Variants in ITPR1 observed in about 807,000 individuals in gnomAD.
ITPR1 encodes inositol 1,4,5-trisphosphate receptor type 1.
Under a neutral mutation model 318.4 loss-of-function variants are expected in ITPR1, and 96 were observed. That is an observed-to-expected ratio of 0.30 (90% CI 0.26 to 0.36). ITPR1 has a LOEUF of 0.36. Ranked by LOEUF, ITPR1 falls within the 10% of genes least tolerant of loss-of-function variation. The pLI is 1.00. For missense variants in ITPR1, 2,440 were observed against 3,460.2 expected (o/e 0.71, Z 7.40); for synonymous variants, 1,312 against 1,289.9 (o/e 1.02, Z -0.37).
chr3:4,785,531 T>G (rs1303597131), intron 51 of ITPR1, among the ~76,000 whole-genome samples: 3 of 151,426 alleles, frequency 2.0e-5, no homozygotes, highest in Non-Finnish European at 4.4e-5. Flanking sequence ...ACACATCATT[T>G]CACTGATTAG....
intron 4 of ITPR1, among the ~76,000 whole-genome samples, chr3:4,533,463 T>C (rs1367315313): frequency 6.6e-6 from 1 of 152,198 alleles, no homozygotes; most frequent in African/African-American, 2.4e-5. Context: ...GTGGAGCTGA[T>C]AGGCTTGTGT....
chr3:4,728,371 A>T (rs1233598683), intron 42 of ITPR1, among the ~76,000 whole-genome samples: 3 of 152,222 alleles, frequency 2.0e-5, no homozygotes, highest in Admixed American at 6.5e-5. Flanking sequence ...ATCTTGTCTA[A>T]GGTCATGGAG....
chr3:4,736,166 T>C (rs1446889658), intron 44 of ITPR1, among the ~76,000 whole-genome samples: 1 of 151,946 alleles, frequency 6.6e-6, no homozygotes, highest in East Asian at 1.9e-4. Context: ...GACGTGTATC[T>C]ATGTACAGAC....
intron 2 of ITPR1, among the ~76,000 whole-genome samples, chr3:4,502,955 G>A (rs915229684): frequency 3.8e-4 from 57 of 151,970 alleles, no homozygotes; most frequent in African/African-American, 1.4e-3. Context: ...CATGATGGTG[G>A]GCACCTGTAG....
chr3:4,658,195 C>G lies in ITPR1; in HGVS notation c.1068C>G (p.Val356=), dbSNP rs753515346. Residue 356 remains valine (V), a synonymous_variant, in exon 13 of 62, where the codon GTC becomes GTG. Coordinates refer to ENST00000649015, the MANE Select transcript of ITPR1 (RefSeq NM_001378452.1). ...AAGAAAAGATGGTATACTCCCTGGT[C>G]TCTGTGCCTGAAGGCAATGACATCT... ...NAQEKMVYSL[V]SVPEGNDISS... The G allele has an allele frequency of 1.9e-6, 3 of 1,613,570 alleles. No homozygotes were observed. Among genetic ancestry groups the G allele is most frequent in the Non-Finnish European group, 2.5e-6 (3 of 1,179,566 alleles).
At chr3:4,532,510 A>T (rs2083500702) in intron 4 of ITPR1, among the ~76,000 whole-genome samples, 1 of 152,164 alleles carries the variant, frequency 6.6e-6, no homozygotes, top group African/African-American at 2.4e-5. Context: ...AGCTGGGATT[A>T]CAGGCGTGTG....
intron 60 of ITPR1, chr3:4,831,044 T>G (rs2050447583): frequency 2.2e-6 from 1 of 455,894 alleles, no homozygotes; most frequent in Non-Finnish European, 4.4e-6. Flanking sequence ...AATACCCCAC[T>G]TCTCAGAATG....
At chr3:4,803,001 A>T (rs1258043781) in intron 54 of ITPR1, among the ~76,000 whole-genome samples, 1 of 152,124 alleles carries the variant, frequency 6.6e-6, no homozygotes, top group Non-Finnish European at 1.5e-5. Context: ...TTTATAAGAA[A>T]AGAGGTTTAA....
At chr3:4,687,974 G>A (rs544427325) in intron 30 of ITPR1, among the ~76,000 whole-genome samples, 2 of 152,310 alleles carry the variant, frequency 1.3e-5, no homozygotes, top group South Asian at 4.1e-4. Flanking sequence ...GTGAACCCAA[G>A]AGGGAAAATG....
intron 16 of ITPR1, among the ~76,000 whole-genome samples, chr3:4,664,141 T>G (rs949735933): frequency 1.3e-5 from 2 of 152,250 alleles, no homozygotes; most frequent in African/African-American, 2.4e-5. Context: ...TTTGGGAGAT[T>G]TGGCATATTC....
In ITPR1 at chr3:4,691,355, T is replaced by C. The variant is rs185613072; in HGVS notation, c.4029+11T>C. 2.6e-6 allele frequency: 4 copies of C among 1,538,852 alleles called. No individual in the cohort carries two copies. Among genetic ancestry groups the C allele is most frequent in the East Asian group, 2.2e-5 (1 of 44,456 alleles). ...ATGGTTATGGCCGAGGTGATTGTTA[T>C]ATATTTCTGTATACCTCCATCTGGT... On this transcript the variant is annotated intron_variant, in intron 32 of 61. Transcript: ENST00000649015.
intron 61 of ITPR1, among the ~76,000 whole-genome samples, chr3:4,839,566 T>TA (rs1168316000): frequency 2.0e-5 from 3 of 151,852 alleles, no homozygotes; most frequent in East Asian, 1.9e-4. Flanking sequence ...ACTCTTTTTT[T>TA]AAAAAAAAGC....
chr3:4,635,228 C>A (rs2093147409), intron 5 of ITPR1, among the ~76,000 whole-genome samples: 1 of 152,152 alleles, frequency 6.6e-6, no homozygotes, highest in Admixed American at 6.5e-5. Context: ...AGGAGAAACT[C>A]CTAGAAGTGG....
At chr3:4,553,813 A>T (rs969118068) in intron 4 of ITPR1, among the ~76,000 whole-genome samples, 1 of 148,266 alleles carries the variant, frequency 6.7e-6, no homozygotes, top group Non-Finnish European at 1.5e-5. Flanking sequence ...GTTGGCCAGG[A>T]TGGTCTCGAA....
chr3:4,560,721 T>G (rs2086588632), intron 4 of ITPR1, among the ~76,000 whole-genome samples: 1 of 152,166 alleles, frequency 6.6e-6, no homozygotes, highest in South Asian at 2.1e-4. Context: ...TTAACTTTGG[T>G]GCATGTAGAT....
At chr3:4,571,473 G>A (rs1318123691) in intron 4 of ITPR1, among the ~76,000 whole-genome samples, 1 of 151,866 alleles carries the variant, frequency 6.6e-6, no homozygotes, top group African/African-American at 2.4e-5. Flanking sequence ...CGAGTAGCTG[G>A]GACTACAGGC....
intron 4 of ITPR1, among the ~76,000 whole-genome samples, chr3:4,597,022 A>G (rs993061875): frequency 2.1e-4 from 32 of 152,230 alleles, no homozygotes; most frequent in African/African-American, 7.2e-4. Context: ...ATTTGCTCAG[A>G]GAGGACTGCG....
At chr3:4,682,671 C>T (rs773354411) in intron 26 of ITPR1, among the ~76,000 whole-genome samples, 11 of 152,210 alleles carry the variant, frequency 7.2e-5, no homozygotes, top group Non-Finnish European at 1.5e-5. Flanking sequence ...CGCCATTTTC[C>T]TCATAGTGAA....
chr3:4,578,788 G>T (rs2088969774), intron 4 of ITPR1, among the ~76,000 whole-genome samples: 1 of 152,138 alleles, frequency 6.6e-6, no homozygotes, highest in Admixed American at 6.5e-5. Flanking sequence ...TGTTCTTATT[G>T]TTGATTTTTA....
Sources: gnomAD v4.1 joint callset for allele counts (sites outside exome capture counted in the v4.1 genomes callset) on GRCh38, gnomAD v4.1.1 for gene constraint, MANE v1.5 for transcripts, NCBI Gene and HGNC (gene_info 2026-07-23, HGNC 2026-07-21) for gene names.